VAV2: variants seen among roughly 807,000 people sequenced by gnomAD.
VAV2 encodes guanine nucleotide exchange factor VAV2.
Under a neutral mutation model 132.5 loss-of-function variants are expected in VAV2, and 67 were observed. The observed-to-expected ratio is 0.51, with a 90% confidence interval of 0.42 to 0.62. The LOEUF is 0.62. Among genes scored for constraint, VAV2 ranks in the 20% least tolerant of loss-of-function variants. The pLI, the probability that VAV2 is intolerant of heterozygous loss-of-function variation, is 0.00. For missense variants in VAV2, 938 were observed against 1,153.6 expected, an observed-to-expected ratio of 0.81 and a Z score of 2.71; for synonymous variants, 492 against 443.5, an observed-to-expected ratio of 1.11 and a Z score of -1.37.
chr9:133,972,841 G>A (rs748287906), intron 1 of VAV2, among the ~76,000 whole-genome samples: 29 of 151,432 alleles, frequency 1.9e-4, no homozygotes, highest in Non-Finnish European at 3.8e-4. Flanking sequence ...CAGGTGGCCC[G>A]AGATCTCACG....
chr9:133,778,176 ACGCCCACAAAGG>A (rs1833882487), intron 22 of VAV2, among the ~76,000 whole-genome samples: 2 of 81,382 alleles, frequency 2.5e-5, no homozygotes, highest in South Asian at 2.8e-4. Context: ...GTGGGGATGA[ACGCCCACAAAGG>A]TCCCCGGGAT....
chr9:133,968,326 T>A (rs868000092), intron 1 of VAV2, among the ~76,000 whole-genome samples: 1 of 152,136 alleles, frequency 6.6e-6, no homozygotes, highest in African/African-American at 2.4e-5. Context: ...AACAATGGCA[T>A]ATGTGTATCA....
chr9:133,980,488 G>A (rs1842658718), intron 1 of VAV2, among the ~76,000 whole-genome samples: 2 of 152,168 alleles, frequency 1.3e-5, no homozygotes, highest in Admixed American at 1.3e-4. Flanking sequence ...CTTTCCCCAG[G>A]GCACTGGGGT....
chr9:133,848,074 G>A (rs1204493559), intron 3 of VAV2, among the ~76,000 whole-genome samples: 1 of 152,050 alleles, frequency 6.6e-6, no homozygotes, highest in African/African-American at 2.4e-5. Flanking sequence ...TCAGGAGATC[G>A]AGACCATCCT....
chr9:133,915,812 A>G (rs1195497423), intron 2 of VAV2, among the ~76,000 whole-genome samples: 1 of 47,810 alleles, frequency 2.1e-5, no homozygotes, highest in Non-Finnish European at 5.2e-5. Context: ...CGATGCACAC[A>G]TGCACTCACA....
At chr9:133,985,218 T>A (rs1842817621) in intron 1 of VAV2, among the ~76,000 whole-genome samples, 1 of 148,880 alleles carries the variant, frequency 6.7e-6, no homozygotes, top group African/African-American at 2.5e-5. Flanking sequence ...TCATCCTATC[T>A]TGCCTTATTG....
chr9:133,785,636 G>A, intron 17 of VAV2, 140 bp downstream of exon 17: 1 of 674,832 alleles, frequency 1.5e-6, no homozygotes, highest in South Asian at 1.8e-5. Context: ...GGTGATGGAG[G>A]TTGTCTGTGT....
At chr9:133,846,886 C>A (rs537421101) in intron 3 of VAV2, among the ~76,000 whole-genome samples, 1 of 152,352 alleles carries the variant, frequency 6.6e-6, no homozygotes, top group South Asian at 2.1e-4. Context: ...TGGGCAGGGG[C>A]TCCCAGCAAG....
chr9:133,865,669 C>T (rs1366484731), intron 2 of VAV2, among the ~76,000 whole-genome samples: 2 of 152,196 alleles, frequency 1.3e-5, no homozygotes, highest in Admixed American at 1.3e-4. Flanking sequence ...AATTCTCTCT[C>T]ATCGACTGCA....
At chr9:133,973,940 G>C (rs1008383178) in intron 1 of VAV2, among the ~76,000 whole-genome samples, 1 of 152,206 alleles carries the variant, frequency 6.6e-6, no homozygotes, top group African/African-American at 2.4e-5. Context: ...TGAGGACGTG[G>C]AAGCAGGATC....
chr9:133,897,025 C>G (rs1041347076), intron 2 of VAV2, among the ~76,000 whole-genome samples: 3 of 152,152 alleles, frequency 2.0e-5, no homozygotes, highest in Admixed American at 2.0e-4. Flanking sequence ...ACCCGGGAGG[C>G]GGAGCTTGCA....
At chr9:133,950,055 G>A (rs977648958) in intron 1 of VAV2, among the ~76,000 whole-genome samples, 1 of 152,178 alleles carries the variant, frequency 6.6e-6, no homozygotes, top group Non-Finnish European at 1.5e-5. Context: ...GCCAGGGTCT[G>A]TCTGTCCACA....
At chr9:133,902,887 C>T (rs1839497230) in intron 2 of VAV2, among the ~76,000 whole-genome samples, 1 of 152,010 alleles carries the variant, frequency 6.6e-6, no homozygotes, top group African/African-American at 2.4e-5. Flanking sequence ...ACCAGCCTGG[C>T]CAACGTGGTA....
chr9:133,873,212 G>A (rs12555091), intron 2 of VAV2, among the ~76,000 whole-genome samples: 52,002 of 151,932 alleles, frequency 0.34, 10,810 homozygotes, highest in African/African-American at 0.59. Context: ...GAGGGAAGCT[G>A]CAATTTAATC....
At chr9:133,796,270 A>C (rs1276778015) in intron 11 of VAV2, among the ~76,000 whole-genome samples, 159 bp downstream of exon 11, 1 of 152,176 alleles carries the variant, frequency 6.6e-6, no homozygotes, top group Non-Finnish European at 1.5e-5. Context: ...ATCGGCCATC[A>C]CATGCATTGA....
chr9:133,769,783 T>G lies in VAV2; in HGVS notation c.2348-280A>C, dbSNP rs558409979. On this transcript the variant is annotated intron_variant, in intron 27 of 29. Coordinates refer to ENST00000371850, the MANE Select transcript of VAV2 (RefSeq NM_001134398.2). This position sits in a 1 kb window ranked among gnomAD's most constrained non-coding sequence, Gnocchi z 8.1. ...TCCTCTCATGCCCTCGCCTGGCACA[T>G]AGCAGGTGCTCACTAAGGCCAGCTG... is the stretch of plus-strand genomic sequence containing the variant. 6.6e-6 allele frequency among the ~76,000 whole-genome samples: 1 copy of G among 152,174 alleles called. No homozygotes were observed. The highest frequency in any genetic ancestry group is 2.4e-5 in the African/African-American group (1 of 41,450).
chr9:133,783,528 C>A lies in VAV2; in HGVS notation c.1698G>T (p.Leu566=). 6.2e-7 allele frequency: 1 copy of A among 1,613,934 alleles called. No individual in the cohort carries two copies. The highest frequency in any genetic ancestry group is 2.2e-5 in the East Asian group (1 of 44,880). ...KCGVGAHKEC[L]EVIPPCKFTS... ...TGAACTTGCAGGGAGGTATCACTTCCAGGCACTCCTTGTGTGCCCCGACGC... is the reference window on the plus strand; with the variant it reads ...TGAACTTGCAGGGAGGTATCACTTCAAGGCACTCCTTGTGTGCCCCGACGC... The change falls in exon 19 of 30, where the codon CTG becomes CTT. Residue 566 remains leucine (L), a synonymous_variant. Coordinates refer to ENST00000371850, the MANE Select transcript of VAV2 (RefSeq NM_001134398.2).
chr9:133,794,020 G>A lies in VAV2; in HGVS notation c.1101+1648C>T, dbSNP rs1404174177. ...ACCCGCAAGTCACCGAGTACTTTGT[G>A]CAGCACCGTGAGCTACACTCCTGGG... On this transcript the variant is annotated intron_variant, in intron 12 of 29. Coordinates refer to ENST00000371850, the MANE Select transcript of VAV2 (RefSeq NM_001134398.2). This position sits in a 1 kb window ranked among gnomAD's most constrained non-coding sequence, Gnocchi z 4.6. 6.6e-6 allele frequency among the ~76,000 whole-genome samples: 1 copy of A among 151,638 alleles called. No individual in the cohort carries two copies. The highest frequency in any genetic ancestry group is 1.9e-4 in the East Asian group (1 of 5,138).
chr9:133,939,953 C>T (rs1345626657), intron 1 of VAV2, among the ~76,000 whole-genome samples: 2 of 152,252 alleles, frequency 1.3e-5, no homozygotes, highest in Non-Finnish European at 2.9e-5. Context: ...GCCCTCACTG[C>T]GCCTGACGTG....
Sources: allele counts gnomAD v4.1 joint callset (sites outside exome capture counted in the v4.1 genomes callset), GRCh38; gene constraint gnomAD v4.1.1; non-coding constraint Gnocchi (gnomAD v3.1); transcripts MANE v1.5; gene names NCBI Gene and HGNC (gene_info 2026-07-23, HGNC 2026-07-21).